MYRIP: variants seen among roughly 807,000 people sequenced by gnomAD.
MYRIP encodes rab effector MyRIP.
In MYRIP, 49 loss-of-function variants were observed where a neutral mutation model predicts 98.0. The observed-to-expected ratio is 0.50, with a 90% CI of 0.40 to 0.63. The LOEUF (loss-of-function observed/expected upper bound fraction) is 0.63. Among genes scored for constraint, MYRIP ranks in the 30% least tolerant of loss-of-function variants. The probability of loss-of-function intolerance (pLI) is 0.00; values close to 1 mark genes in which losing one functional copy is unlikely to be tolerated. For missense variants in MYRIP, 1,004 were observed against 1,058.2 expected (o/e 0.95, Z 0.71); for synonymous variants, 404 against 409.5 (o/e 0.99, Z 0.16).
intron 4 of MYRIP, 36 bp downstream of exon 4, chr3:40,151,220 T>A (rs1419124555): frequency 1.3e-6 from 2 of 1,565,474 alleles, no homozygotes. Context: ...GAGTCTTTGG[T>A]GGGCTGGTGG....
intron 2 of MYRIP, among the ~76,000 whole-genome samples, chr3:40,026,619 T>A (rs1947135778): frequency 6.6e-6 from 1 of 152,190 alleles, no homozygotes; most frequent in African/African-American, 2.4e-5. Context: ...CTCCAGCCAG[T>A]CCCTCCATTC....
chr3:39,926,096 A>AT (rs1188291847), intron 2 of MYRIP, among the ~76,000 whole-genome samples: 2 of 151,956 alleles, frequency 1.3e-5, no homozygotes, highest in African/African-American at 4.8e-5. Flanking sequence ...GACATTGAGG[A>AT]TTTTTTTATA....
chr3:39,986,007 C>T (rs1946022739), intron 2 of MYRIP, among the ~76,000 whole-genome samples: 1 of 152,196 alleles, frequency 6.6e-6, no homozygotes, highest in Admixed American at 6.5e-5. Context: ...AAACTACCAT[C>T]AGAGTGAACA....
intron 10 of MYRIP, among the ~76,000 whole-genome samples, chr3:40,207,947 C>T (rs1951829011): frequency 6.6e-6 from 1 of 152,122 alleles, no homozygotes; most frequent in African/African-American, 2.4e-5. Flanking sequence ...ATGTTGTTCT[C>T]TGTCAGTTTT....
At chr3:40,204,826 C>T (rs947723312) in intron 10 of MYRIP, among the ~76,000 whole-genome samples, 4 of 152,034 alleles carry the variant, frequency 2.6e-5, no homozygotes, top group African/African-American at 7.2e-5. Flanking sequence ...GGACCCTGCT[C>T]GTCAGGTCAT....
At chr3:40,092,723 T>C (rs1163483870) in intron 3 of MYRIP, among the ~76,000 whole-genome samples, 1 of 152,150 alleles carries the variant, frequency 6.6e-6, no homozygotes, top group Non-Finnish European at 1.5e-5. Flanking sequence ...AGAAGTTCAT[T>C]AGCTGCTCCA....
intron 9 of MYRIP, among the ~76,000 whole-genome samples, chr3:40,189,131 G>C (rs1334366755): frequency 6.6e-6 from 1 of 152,210 alleles, no homozygotes; most frequent in Non-Finnish European, 1.5e-5. Context: ...GAGTCAGGTA[G>C]AGGATGCACC....
intron 1 of MYRIP, among the ~76,000 whole-genome samples, chr3:39,812,110 TC>T (rs1201024417): frequency 6.6e-6 from 1 of 152,124 alleles, no homozygotes; most frequent in African/African-American, 2.4e-5. Flanking sequence ...AAGGATACAC[TC>T]AGTGGATTGT....
At chr3:40,256,671 A>G (rs1953601497) in intron 16 of MYRIP, among the ~76,000 whole-genome samples, 1 of 152,212 alleles carries the variant, frequency 6.6e-6, no homozygotes, top group Non-Finnish European at 1.5e-5. Context: ...TCAGAATCAA[A>G]TCAGAAAAAT....
In MYRIP at chr3:40,122,018, T is replaced by C. The variant is rs1030808505; in HGVS notation, c.333-29030T>C. ...ACTCACAACATTATTTTTGTTTAAA[T>C]ATTTTATTTATAGTGAAACCAGAAT... On this transcript the variant is annotated intron_variant, in intron 3 of 16. Transcript: ENST00000302541. 5.9e-5 allele frequency among the ~76,000 whole-genome samples: 9 copies of C among 152,320 alleles called. No individual in the cohort carries two copies. The South Asian group carries it at 1.9e-3, about 32-fold the overall frequency.
chr3:39,991,014 C>T (rs932135183), intron 2 of MYRIP, among the ~76,000 whole-genome samples: 17 of 152,044 alleles, frequency 1.1e-4, no homozygotes, highest in East Asian at 5.8e-4. Flanking sequence ...TGTGGGGCTA[C>T]GGGAGGGATA....
chr3:40,155,970 T>C (rs1688150279), intron 4 of MYRIP, among the ~76,000 whole-genome samples: 2 of 152,174 alleles, frequency 1.3e-5, no homozygotes, highest in African/African-American at 2.4e-5. Flanking sequence ...GTAGTTTCTT[T>C]TGCTGTGCAG....
At chr3:39,943,911 G>A (rs1454416419) in intron 2 of MYRIP, among the ~76,000 whole-genome samples, 1 of 152,112 alleles carries the variant, frequency 6.6e-6, no homozygotes, top group African/African-American at 2.4e-5. Flanking sequence ...GTGGTAGGGT[G>A]TGTTTTGCAG....
chr3:39,899,332 C>A (rs1443500354), intron 1 of MYRIP, among the ~76,000 whole-genome samples: 2 of 152,102 alleles, frequency 1.3e-5, no homozygotes, highest in Non-Finnish European at 2.9e-5. Context: ...GTAGAATATT[C>A]TATTGTATAA....
chr3:39,898,279 TA>T (rs869138504), intron 1 of MYRIP, among the ~76,000 whole-genome samples: 1 of 152,118 alleles, frequency 6.6e-6, no homozygotes, highest in Non-Finnish European at 1.5e-5. Flanking sequence ...TAAAATTTTT[TA>T]AAAAAATAGT....
At chr3:39,826,066 T>G (rs1364302046) in intron 1 of MYRIP, among the ~76,000 whole-genome samples, 1 of 152,080 alleles carries the variant, frequency 6.6e-6, no homozygotes, top group South Asian at 2.1e-4. Context: ...AGGCCTTCTC[T>G]CTTTTTTTCT....
At chr3:40,150,261 T>C (rs1204148967) in intron 3 of MYRIP, among the ~76,000 whole-genome samples, 14 of 152,074 alleles carry the variant, frequency 9.2e-5, no homozygotes, top group Admixed American at 8.5e-4. Context: ...CAGCTAGTTT[T>C]TGTATTTTCA....
At chr3:39,811,339 T>C (rs147089075) in intron 1 of MYRIP, among the ~76,000 whole-genome samples, 2 of 152,246 alleles carry the variant, frequency 1.3e-5, no homozygotes, top group East Asian at 3.9e-4. Context: ...GTTCATAGGA[T>C]ATGATAAATG....
intron 2 of MYRIP, among the ~76,000 whole-genome samples, chr3:40,024,552 G>C (rs1947079166): frequency 3.3e-5 from 5 of 151,574 alleles, no homozygotes; most frequent in Admixed American, 3.3e-4. Context: ...TCCTCTGTAG[G>C]CTAGATGCTT....
Sources: gnomAD v4.1 joint callset for allele counts (sites outside exome capture counted in the v4.1 genomes callset) on GRCh38, gnomAD v4.1.1 for gene constraint, MANE v1.5 for transcripts, NCBI Gene and HGNC (gene_info 2026-07-23, HGNC 2026-07-21) for gene names.